CATSPERB: variants seen among roughly 807,000 people sequenced by gnomAD.
The protein encoded by CATSPERB is catsper channel auxiliary subunit beta, also known as cation channel sperm-associated auxiliary subunit beta.
Under a neutral mutation model 128.3 loss-of-function variants are expected in CATSPERB, and 93 were observed. That is an observed-to-expected ratio of 0.72 (90% CI 0.61 to 0.86). The LOEUF is 0.86. Ranked by LOEUF, CATSPERB falls within the 40% of genes least tolerant of loss-of-function variation. The pLI, the probability that CATSPERB is intolerant of heterozygous loss-of-function variation, is 0.00. For synonymous variants in CATSPERB, 381 were observed against 448.8 expected, an observed-to-expected ratio of 0.85 and a Z score of 1.91; for missense variants, 1,153 against 1,329.5, an observed-to-expected ratio of 0.87 and a Z score of 2.06.
intron 13 of CATSPERB, among the ~76,000 whole-genome samples, chr14:91,671,814 G>C (rs1356018647): frequency 6.6e-6 from 1 of 151,900 alleles, no homozygotes; most frequent in Admixed American, 6.6e-5. Flanking sequence ...GGCAGATCAC[G>C]AGGTCAGGAG....
At chr14:91,618,549 C>A (rs1033888802) in intron 19 of CATSPERB, among the ~76,000 whole-genome samples, 1 of 152,220 alleles carries the variant, frequency 6.6e-6, no homozygotes, top group Non-Finnish European at 1.5e-5. Flanking sequence ...ACTGGCTACA[C>A]TGAGTTGGTT....
intron 9 of CATSPERB, among the ~76,000 whole-genome samples, chr14:91,692,016 A>C (rs1467374434): frequency 6.6e-6 from 1 of 152,064 alleles, no homozygotes; most frequent in Non-Finnish European, 1.5e-5. Context: ...GTTTCTCCTA[A>C]AAATACAAAA....
intron 22 of CATSPERB, among the ~76,000 whole-genome samples, chr14:91,599,094 C>G (rs1182516232): frequency 6.6e-6 from 1 of 152,066 alleles, no homozygotes; most frequent in South Asian, 2.1e-4. Context: ...GAGGGGTGCT[C>G]TCAGACCTCA....
chr14:91,671,288 T>C (rs1895083440), intron 13 of CATSPERB, among the ~76,000 whole-genome samples: 2 of 152,026 alleles, frequency 1.3e-5, no homozygotes, highest in South Asian at 2.1e-4. Flanking sequence ...CTTTCATATC[T>C]CCTGGCCAGG....
intron 11 of CATSPERB, among the ~76,000 whole-genome samples, chr14:91,683,168 A>G (rs1297892280): frequency 6.6e-6 from 1 of 152,208 alleles, no homozygotes; most frequent in Non-Finnish European, 1.5e-5. Context: ...GATGCAGGAA[A>G]GATGTTCTCA....
intron 4 of CATSPERB, among the ~76,000 whole-genome samples, chr14:91,721,370 A>C (rs1190093674): frequency 6.6e-6 from 1 of 152,226 alleles, no homozygotes; most frequent in East Asian, 1.9e-4. Context: ...AGCTTTTACA[A>C]ATCAAAAACA....
At chr14:91,598,389 A>G (rs1314914377) in intron 22 of CATSPERB, among the ~76,000 whole-genome samples, 1 of 152,062 alleles carries the variant, frequency 6.6e-6, no homozygotes, top group African/African-American at 2.4e-5. Context: ...GATATCTATT[A>G]TTTAATTTAA....
intron 16 of CATSPERB, among the ~76,000 whole-genome samples, chr14:91,638,559 T>C (rs1390777619): frequency 6.6e-6 from 1 of 152,150 alleles, no homozygotes; most frequent in Admixed American, 6.5e-5. Context: ...AAGCTGGAAC[T>C]ACAGATGAAT....
intron 11 of CATSPERB, among the ~76,000 whole-genome samples, chr14:91,682,950 A>G (rs1354018416): frequency 1.3e-5 from 2 of 152,204 alleles, no homozygotes; most frequent in African/African-American, 4.8e-5. Flanking sequence ...ACTGTTGTCT[A>G]TATATACTAG....
chr14:91,644,390 T>C (rs970278372), intron 15 of CATSPERB, among the ~76,000 whole-genome samples: 6 of 149,952 alleles, frequency 4.0e-5, no homozygotes, highest in African/African-American at 1.5e-4. Flanking sequence ...TCAGGAGCTC[T>C]TGTAGGGCAG....
chr14:91,718,765 C>A (rs8020971), intron 5 of CATSPERB, among the ~76,000 whole-genome samples: 1 of 152,152 alleles, frequency 6.6e-6, no homozygotes, highest in South Asian at 2.1e-4. Context: ...TATAAGATGG[C>A]GCATTTTTGT....
chr14:91,675,203 A>G (rs1227588654), intron 11 of CATSPERB, among the ~76,000 whole-genome samples: 2 of 152,186 alleles, frequency 1.3e-5, no homozygotes, highest in East Asian at 1.9e-4. Context: ...TTTCCTATTC[A>G]TGCTACTGGA....
rs370605624 is a variant in CATSPERB, at chr14:91,580,942, A to C, written c.3298T>G (p.Phe1100Val). The stretch of plus-strand genomic sequence containing the variant: ...AGCTCACTGAGAGAGATACTTGAAA[A>C]CTTCTCTTGGTTTCTTCTAATCCAT... ...QRWIRRNQEK[F>V]SSISLSELIH... The change falls in exon 27 of 27, where the codon TTT becomes GTT. Residue 1100 changes from phenylalanine (F) to valine (V), a missense_variant. By Grantham distance (50) the Phe-to-Val change is conservative. Transcript: ENST00000256343. 5 of 1,614,008 alleles carry C rather than the reference A, an allele frequency of 3.1e-6. No individual in the cohort carries two copies. In the African/African-American group the frequency reaches 6.7e-5, roughly 22 times the overall value.
At chr14:91,643,995 G>A (rs1311224089) in intron 15 of CATSPERB, among the ~76,000 whole-genome samples, 1 of 138,806 alleles carries the variant, frequency 7.2e-6, no homozygotes, top group African/African-American at 2.7e-5. Flanking sequence ...GATCCTTGTT[G>A]GTTTAAAGTC....
intron 22 of CATSPERB, among the ~76,000 whole-genome samples, chr14:91,593,968 T>C (rs1308300657): frequency 2.0e-5 from 3 of 152,228 alleles, no homozygotes; most frequent in Non-Finnish European, 4.4e-5. Context: ...CAAGATCTGA[T>C]GGGCTTATCA....
At chr14:91,664,637 C>A (rs1894947968) in intron 14 of CATSPERB, among the ~76,000 whole-genome samples, 1 of 152,146 alleles carries the variant, frequency 6.6e-6, no homozygotes, top group South Asian at 2.1e-4. Flanking sequence ...TTTGTCCATT[C>A]TCCTAGTGAA....
intron 14 of CATSPERB, among the ~76,000 whole-genome samples, chr14:91,667,330 G>C (rs189776664): frequency 2.6e-5 from 4 of 152,022 alleles, no homozygotes; most frequent in Non-Finnish European, 4.4e-5. Flanking sequence ...GAGAACAGCA[G>C]CATAAGTGTC....
chr14:91,663,374 T>C (rs569265912), intron 14 of CATSPERB, among the ~76,000 whole-genome samples: 2 of 152,248 alleles, frequency 1.3e-5, no homozygotes, highest in Admixed American at 6.5e-5. Flanking sequence ...TTTGTCTTGA[T>C]TGTGTTATTG....
chr14:91,673,062 A>C (rs1246669930), intron 12 of CATSPERB, 46 bp from the exon 13 acceptor site: 5 of 1,488,246 alleles, frequency 3.4e-6, no homozygotes, highest in Non-Finnish European at 3.6e-6. Flanking sequence ...TTGAAATATA[A>C]GTTCTAATTC....
Sources: allele counts gnomAD v4.1 joint callset (sites outside exome capture counted in the v4.1 genomes callset), GRCh38; gene constraint gnomAD v4.1.1; transcripts MANE v1.5; gene names NCBI Gene and HGNC (gene_info 2026-07-23, HGNC 2026-07-21).